RECQL5: variants seen among roughly 807,000 people sequenced by gnomAD.
RECQL5 encodes ATP-dependent DNA helicase Q5.
RECQL5 carries 88 observed loss-of-function variants against 103.4 expected under a neutral mutation model. The ratio of observed to expected loss-of-function variants is 0.85; its 90% CI spans 0.72 to 1.02. The LOEUF (loss-of-function observed/expected upper bound fraction) is 1.02, where lower values mean the gene tolerates loss of function less well. Ranked by LOEUF, RECQL5 falls within the 50% of genes least tolerant of loss-of-function variation. RECQL5 has a pLI of 0.00. For missense variants in RECQL5, 1,232 were observed against 1,284.3 expected, an observed-to-expected ratio of 0.96 and a Z score of 0.62; for synonymous variants, 552 against 507.9, an observed-to-expected ratio of 1.09 and a Z score of -1.17.
At chr17:75,637,944 G>A (rs1225013611) in intron 8 of RECQL5, 1 of 152,278 alleles carries the variant, frequency 6.6e-6, no homozygotes, top group East Asian at 1.9e-4. Flanking sequence ...TTGCTCTCTC[G>A]GGTCTCAGCT....
At position 75,631,640 on chromosome 17, in the gene RECQL5, A is replaced by G. The variant is rs760840118; in HGVS notation, c.1258T>C (p.Phe420Leu). 2 of 1,611,816 alleles carry G rather than the reference A, an allele frequency of 1.2e-6. No homozygotes were observed. The highest frequency in any genetic ancestry group is 1.7e-6 in the Non-Finnish European group (2 of 1,179,800). The change falls in exon 9 of 20, where the codon TTC (phenylalanine) becomes CTC (leucine). Residue 420 changes from phenylalanine (F) to leucine (L), a missense_variant. By Grantham distance (22) the Phe-to-Leu change is conservative. Coordinates refer to ENST00000317905, the MANE Select transcript of RECQL5 (RefSeq NM_004259.7). ...GCRHAAIAKYFGDALPACAKG... is the reference protein window; with the variant it reads ...GCRHAAIAKYLGDALPACAKG... ...GCGCAGGCAGGCAGCGCATCCCCGAAGTACTTGGCAATGGCGGCATGGCGG... is the reference window on the plus strand; with the variant it reads ...GCGCAGGCAGGCAGCGCATCCCCGAGGTACTTGGCAATGGCGGCATGGCGG...
intron 4 of RECQL5, 87 bp downstream of exon 4, chr17:75,662,392 A>G (rs1020480149): frequency 2.1e-6 from 3 of 1,419,094 alleles, no homozygotes; most frequent in African/African-American, 1.4e-5. Flanking sequence ...AAGCTAGAAA[A>G]ACCAAAGGTC....
rs1453597155 is a variant in RECQL5 at position 75,658,332 on chromosome 17, C to A, written c.1115G>T (p.Ser372Ile). ...TGCTACTTCCTTCCTGATCAGGAAG[C>A]TGACTTGGTCCCGGTCATTCCTGGA... ...YYSRNDRDQV[S>I]FLIRKEVAKL... is the part of the protein sequence containing the mutation. Residue 372 changes from serine to isoleucine, a missense_variant, in exon 7 of 20, where the codon AGC becomes ATC. By Grantham distance (142) the Ser-to-Ile change is moderately radical (BLOSUM62 -2). Coordinates refer to ENST00000317905, the MANE Select transcript of RECQL5 (RefSeq NM_004259.7). 1 of 1,613,944 alleles carries A rather than the reference C, an allele frequency of 6.2e-7. No individual in the cohort carries two copies. Among genetic ancestry groups the A allele is most frequent in the Non-Finnish European group, 8.5e-7 (1 of 1,179,894 alleles).
intron 8 of RECQL5, chr17:75,646,099 T>C (rs2059485714): frequency 6.6e-6 from 1 of 152,282 alleles, no homozygotes. Context: ...TTCCCTATTG[T>C]GCCAGTGGGC....
At chr17:75,656,138 G>A (rs751737112) in intron 7 of RECQL5, among the ~76,000 whole-genome samples, 11 of 152,220 alleles carry the variant, frequency 7.2e-5, no homozygotes, top group East Asian at 5.8e-4. Context: ...GCAATGGCGC[G>A]ATCTCGGCTC....
Position 75,661,660 on chromosome 17 carries a change from G to A in RECQL5, c.820C>T (p.Gln274Ter). Reference sequence around the variant, plus strand: ...CTGCAGCTGAGCTCTATGGCCAGCTGTTCACAAGCCTCTCTAGTCCTGCAG... The same window carrying A: ...CTGCAGCTGAGCTCTATGGCCAGCTATTCACAAGCCTCTCTAGTCCTGCAG... Reference protein sequence around the residue: ...VYCRTREACEQLAIELSCRGV... With the variant: ...VYCRTREACE The change falls in exon 5 of 20, where the codon CAG (glutamine) becomes TAG (stop). Residue 274 changes from glutamine to a stop codon, truncating the protein, a stop_gained. Transcript: ENST00000317905. LOFTEE classifies it high-confidence loss of function. 1 of 1,613,800 alleles carries A rather than the reference G, an allele frequency of 6.2e-7. No homozygotes were observed. The highest frequency in any genetic ancestry group is 1.1e-5 in the South Asian group (1 of 91,064).
chr17:75,633,021 G>A (rs1205497711), intron 8 of RECQL5, among the ~76,000 whole-genome samples: 1 of 152,252 alleles, frequency 6.6e-6, no homozygotes, highest in Admixed American at 6.5e-5. Context: ...AGCAGGGCCT[G>A]GCTGACTTTC....
chr17:75,633,876 G>T (rs1227439483), intron 8 of RECQL5: 1 of 993,182 alleles, frequency 1.0e-6, no homozygotes, highest in Non-Finnish European at 1.2e-6. Flanking sequence ...AGAGGGAGAG[G>T]AGGAGGAAGG....
At chr17:75,647,392 T>A (rs1415102573) in intron 8 of RECQL5, 7 of 1,549,370 alleles carry the variant, frequency 4.5e-6, no homozygotes, top group South Asian at 1.2e-5. Context: ...CCAACTGGTA[T>A]TCAAAGAGAC....
chr17:75,644,466 G>GTA (rs2059466702), intron 8 of RECQL5, among the ~76,000 whole-genome samples: 1 of 151,956 alleles, frequency 6.6e-6, no homozygotes, highest in Admixed American at 6.6e-5. Flanking sequence ...AATTAGCCAG[G>GTA]TGTGGTAGCA....
At chr17:75,656,120 G>A (rs2059616159) in intron 7 of RECQL5, among the ~76,000 whole-genome samples, 1 of 152,114 alleles carries the variant, frequency 6.6e-6, no homozygotes, top group Non-Finnish European at 1.5e-5. Flanking sequence ...TGTTGCCCAG[G>A]CTGGAATGCA....
At chr17:75,630,539 G>T in intron 13 of RECQL5, 80 bp downstream of exon 13, 1 of 1,481,448 alleles carries the variant, frequency 6.8e-7, no homozygotes, top group Non-Finnish European at 9.4e-7. Flanking sequence ...GCCCAAACAG[G>T]CCAGGGTTGA....
At chr17:75,647,491 A>T in intron 8 of RECQL5, 1 of 1,550,316 alleles carries the variant, frequency 6.5e-7, no homozygotes, top group Non-Finnish European at 8.7e-7. Context: ...CCTGCTTCTC[A>T]TCTTATTTGC....
chr17:75,632,997 C>T (rs1336591571), intron 8 of RECQL5, among the ~76,000 whole-genome samples: 1 of 152,262 alleles, frequency 6.6e-6, no homozygotes, highest in South Asian at 2.1e-4. Context: ...CTGATTGCAA[C>T]ACCCCGGTAA....
In RECQL5 at chr17:75,662,528, T is replaced by C. The variant is rs768919209; in HGVS notation, c.722A>G (p.Asn241Ser). 1.9e-6 allele frequency: 3 copies of C among 1,614,178 alleles called. No homozygotes were observed. The highest frequency in any genetic ancestry group is 1.1e-5 in the South Asian group (1 of 91,078). ...AGCCTTAAGGCAGAAGTCCTTCAGG[T>C]TCCCATAGGGATCAGAAATCAGTTC... Reference protein sequence around the residue: ...FKELISDPYGNLKDFCLKALG... With the variant: ...FKELISDPYGSLKDFCLKALG... Residue 241 changes from asparagine (N) to serine (S), a missense_variant, in exon 4 of 20, where the codon AAC (asparagine) becomes AGC (serine). Transcript: ENST00000317905.
rs1267420075 is a variant in RECQL5 at position 75,655,465 on chromosome 17, G to A, written c.1149+2833C>T. On this transcript the variant is annotated intron_variant, in intron 7 of 19. Coordinates refer to ENST00000317905, the MANE Select transcript of RECQL5 (RefSeq NM_004259.7). ...TGCAAGCTCCGCCTTCCGGGTTCAT[G>A]CCATTCTCCTGCCTCAGCCTCCCGA... 3.3e-5 allele frequency among the ~76,000 whole-genome samples: 5 copies of A among 151,236 alleles called. No homozygotes were observed. The East Asian group carries it at 7.8e-4, about 24-fold the overall frequency.
intron 3 of RECQL5, 122 bp from the exon 4 acceptor site, chr17:75,663,119 T>G (rs2059721033): frequency 4.2e-6 from 4 of 949,396 alleles, no homozygotes; most frequent in Non-Finnish European, 6.3e-6. Context: ...ATATTCTCTT[T>G]GCATAGAAGT....
At chr17:75,655,656 A>G (rs1382120891) in intron 7 of RECQL5, among the ~76,000 whole-genome samples, 5 of 145,862 alleles carry the variant, frequency 3.4e-5, no homozygotes, top group African/African-American at 5.1e-5. Flanking sequence ...GAGCCACCGC[A>G]CCTGGCCTTT....
At chr17:75,654,889 C>T (rs2059597262) in intron 7 of RECQL5, among the ~76,000 whole-genome samples, 1 of 152,144 alleles carries the variant, frequency 6.6e-6, no homozygotes, top group African/African-American at 2.4e-5. Context: ...ACCTCCTGGA[C>T]TCAAGTGATC....
Sources: allele counts gnomAD v4.1 joint callset (sites outside exome capture counted in the v4.1 genomes callset), GRCh38; gene constraint gnomAD v4.1.1; transcripts MANE v1.5; gene names NCBI Gene and HGNC (gene_info 2026-07-23, HGNC 2026-07-21).